PLXDC2: variants seen among roughly 807,000 people sequenced by gnomAD.
PLXDC2 encodes plexin domain-containing protein 2.
Under a neutral mutation model 68.9 loss-of-function variants are expected in PLXDC2, and 40 were observed. That is an observed-to-expected ratio of 0.58 (90% CI 0.45 to 0.76). The LOEUF (loss-of-function observed/expected upper bound fraction) is 0.76, where lower values mean the gene tolerates loss of function less well. Ranked by LOEUF, PLXDC2 falls within the 30% of genes least tolerant of loss-of-function variation. The pLI, the probability that PLXDC2 is intolerant of heterozygous loss-of-function variation, is 0.00. For synonymous variants in PLXDC2, 243 were observed against 234.2 expected, an observed-to-expected ratio of 1.04 and a Z score of -0.34; for missense variants, 644 against 661.9, an observed-to-expected ratio of 0.97 and a Z score of 0.30.
At chr10:20,224,309 G>A (rs925321204) in intron 12 of PLXDC2, among the ~76,000 whole-genome samples, 1 of 152,008 alleles carries the variant, frequency 6.6e-6, no homozygotes, top group African/African-American at 2.4e-5. Context: ...TTGAGTAATG[G>A]TTATATGCAT....
intron 9 of PLXDC2, among the ~76,000 whole-genome samples, chr10:20,181,615 C>A (rs903872561): frequency 6.6e-6 from 1 of 151,934 alleles, no homozygotes; most frequent in African/African-American, 2.4e-5. Flanking sequence ...TTGAATGGCC[C>A]ACGCACTGGC....
intron 1 of PLXDC2, among the ~76,000 whole-genome samples, chr10:19,857,256 T>C (rs1010674663): frequency 1.3e-5 from 2 of 152,324 alleles, no homozygotes; most frequent in South Asian, 4.1e-4. Context: ...ATTAACACTA[T>C]TCACTTTTTA....
chr10:19,868,956 G>A (rs150657896), intron 1 of PLXDC2, among the ~76,000 whole-genome samples: 24 of 152,040 alleles, frequency 1.6e-4, no homozygotes, highest in African/African-American at 2.4e-4. Context: ...TTATACCCTC[G>A]GTGATAATTT....
At chr10:19,851,646 A>T (rs980493046) in intron 1 of PLXDC2, among the ~76,000 whole-genome samples, 2 of 152,130 alleles carry the variant, frequency 1.3e-5, no homozygotes, top group African/African-American at 4.8e-5. Context: ...CCTGGGTTCA[A>T]GTGATTCTCA....
chr10:20,255,128 A>G (rs945507718), intron 13 of PLXDC2, among the ~76,000 whole-genome samples: 5 of 152,094 alleles, frequency 3.3e-5, no homozygotes, highest in African/African-American at 4.8e-5. Context: ...AATTATTTCA[A>G]TGCTACATAA....
chr10:19,990,731 T>C (rs1834733137), intron 1 of PLXDC2, among the ~76,000 whole-genome samples: 1 of 152,220 alleles, frequency 6.6e-6, no homozygotes. Context: ...AGTTAAATTA[T>C]GTAATCAGTG....
chr10:20,279,665 C>A, intron 13 of PLXDC2, 38 bp from the exon 14 acceptor site: 1 of 1,544,046 alleles, frequency 6.5e-7, no homozygotes, highest in Non-Finnish European at 8.9e-7. Flanking sequence ...GAATCTTACC[C>A]TGACGCACAT....
At chr10:19,939,352 G>A (rs1478835913) in intron 1 of PLXDC2, among the ~76,000 whole-genome samples, 3 of 152,104 alleles carry the variant, frequency 2.0e-5, no homozygotes, top group Non-Finnish European at 4.4e-5. Context: ...CTCTGGAAAT[G>A]GAGAAAAATC....
intron 1 of PLXDC2, among the ~76,000 whole-genome samples, chr10:19,824,859 G>A (rs1836541223): frequency 6.6e-6 from 1 of 152,192 alleles, no homozygotes; most frequent in Non-Finnish European, 1.5e-5. Flanking sequence ...GCTGTGGAAT[G>A]ATGGTATAGA....
At chr10:20,103,096 G>A (rs1031543246) in intron 4 of PLXDC2, among the ~76,000 whole-genome samples, 9 of 152,088 alleles carry the variant, frequency 5.9e-5, no homozygotes, top group South Asian at 2.1e-4. Flanking sequence ...AAGAAGGTGC[G>A]GACAGAAATC....
At chr10:19,819,195 G>A (rs964124575) in intron 1 of PLXDC2, among the ~76,000 whole-genome samples, 11 of 152,272 alleles carry the variant, frequency 7.2e-5, no homozygotes, top group South Asian at 2.1e-4. Flanking sequence ...CAACATCAGT[G>A]TACTGGTATT....
Position 20,126,396 on chromosome 10 carries a change from C to CATATATGTATATACAACACACGTT in PLXDC2, c.542-16837_542-16814dup, listed in dbSNP as rs1564324981. Among the ~76,000 whole-genome samples, 19 of 137,084 alleles carry CATATATGTATATACAACACACGTT rather than the reference C, an allele frequency of 1.4e-4. 4 individuals carry two copies. The highest frequency in any genetic ancestry group is 4.4e-4 in the South Asian group (2 of 4,532). 89.9% of individuals were successfully genotyped at this position (137,084 alleles called of 152,430 possible). A position where few individuals can be genotyped will look rare whatever the true frequency, so the allele number is the denominator to read the frequency against. On this transcript the variant is annotated intron_variant, in intron 4 of 13. Coordinates refer to ENST00000377252, the MANE Select transcript of PLXDC2 (RefSeq NM_032812.9). ...ATATATACATATGTGTTATATAATA[C>CATATATGTATATACAACACACGTT]ATATATGTATATACAACACACGTTA... is the stretch of plus-strand genomic sequence containing the variant.
chr10:19,957,744 G>A (rs1402640656), intron 1 of PLXDC2, among the ~76,000 whole-genome samples: 1 of 152,056 alleles, frequency 6.6e-6, no homozygotes, highest in Admixed American at 6.6e-5. Context: ...ATATGTTCTT[G>A]CTGGGTCAAG....
intron 2 of PLXDC2, 34 bp from the exon 3 acceptor site, chr10:20,046,835 G>T: frequency 6.5e-7 from 1 of 1,547,894 alleles, no homozygotes; most frequent in South Asian, 1.2e-5. Context: ...AAAACATCTC[G>T]GTTCTTGATA....
rs557025640 is a variant in PLXDC2 at position 20,122,121 on chromosome 10, T to G, written c.542-21174T>G. Among the ~76,000 whole-genome samples, 243 of 152,020 alleles carry G rather than the reference T, an allele frequency of 1.6e-3. 2 individuals carry two copies. Among genetic ancestry groups the G allele is most frequent in the African/African-American group, 4.9e-3 (203 of 41,390 alleles). ...TAGTCAGGGAAGCAGATAATGTAGT[T>G]AAAGTGTCTCAGCCTAATAAGGGAA... On this transcript the variant is annotated intron_variant, in intron 4 of 13. Coordinates refer to ENST00000377252, the MANE Select transcript of PLXDC2 (RefSeq NM_032812.9).
At chr10:20,237,883 G>C (rs550609941) in intron 12 of PLXDC2, among the ~76,000 whole-genome samples, 3 of 152,194 alleles carry the variant, frequency 2.0e-5, no homozygotes, top group South Asian at 4.1e-4. Context: ...AGAAGAGTTA[G>C]TTCTAAAGTG....
rs377575859 is a variant in PLXDC2 at position 19,907,557 on chromosome 10, T to G, written c.112+90366T>G. Among the ~76,000 whole-genome samples, 15 of 152,310 alleles carry G rather than the reference T, an allele frequency of 9.8e-5. No individual in the cohort carries two copies. In the East Asian group the frequency reaches 2.7e-3, roughly 27 times the overall value. On this transcript the variant is annotated intron_variant, in intron 1 of 13. Transcript: ENST00000377252. ...CACACCTAAGCAATAGCATTAAATA[T>G]GATTAAGGAGGTCATGGAACATGAA...
chr10:20,060,991 T>C (rs1295099769), intron 3 of PLXDC2, among the ~76,000 whole-genome samples: 4 of 152,216 alleles, frequency 2.6e-5, no homozygotes, highest in Non-Finnish European at 4.4e-5. Context: ...TCCTTTATTT[T>C]TGTAAAATTT....
intron 1 of PLXDC2, among the ~76,000 whole-genome samples, chr10:19,903,701 AT>A (rs57577021): frequency 0.48 from 62,393 of 129,322 alleles, 13,362 homozygotes; most frequent in African/African-American, 0.57. Context: ...CATCTTCATT[AT>A]TTTTTTTTTT....
Sources: gnomAD v4.1 joint callset for allele counts (sites outside exome capture counted in the v4.1 genomes callset) on GRCh38, gnomAD v4.1.1 for gene constraint, MANE v1.5 for transcripts, NCBI Gene and HGNC (gene_info 2026-07-23, HGNC 2026-07-21) for gene names.